Variants in C4orf50 observed in about 807,000 individuals in gnomAD.
The protein encoded by C4orf50 is chromosome 4 open reading frame 50.
Under a neutral mutation model 77.2 loss-of-function variants are expected in C4orf50, and 80 were observed. The ratio of observed to expected loss-of-function variants is 1.04; its 90% confidence interval spans 0.87 to 1.25. The LOEUF (loss-of-function observed/expected upper bound fraction) is 1.25, where lower values mean the gene tolerates loss of function less well. Ranked by LOEUF, C4orf50 falls within the 50% of genes most tolerant of loss-of-function variation. The probability of loss-of-function intolerance (pLI) is 0.00; values close to 1 mark genes in which losing one functional copy is unlikely to be tolerated. For synonymous variants in C4orf50, 532 were observed against 465.3 expected, an observed-to-expected ratio of 1.14 and a Z score of -1.84; for missense variants, 1,257 against 1,152.9, an observed-to-expected ratio of 1.09 and a Z score of -1.31.
intron 7 of C4orf50, among the ~76,000 whole-genome samples, chr4:5,944,772 C>T (rs779253230): frequency 3.3e-5 from 5 of 152,174 alleles, no homozygotes; most frequent in South Asian, 2.1e-4. Context: ...CAGGGCTCAG[C>T]GGCACGGTGG....
intron 25 of C4orf50, among the ~76,000 whole-genome samples, chr4:5,999,624 C>T (rs1351132594): frequency 6.6e-6 from 1 of 152,106 alleles, no homozygotes; most frequent in Non-Finnish European, 1.5e-5. Context: ...ACTCACTCAT[C>T]AAGCATTTCA....
chr4:5,936,210 A>G (rs910088892), intron 7 of C4orf50, among the ~76,000 whole-genome samples: 3 of 91,080 alleles, frequency 3.3e-5, no homozygotes, highest in African/African-American at 6.6e-5. Context: ...TGCTGCAGGA[A>G]AAAAAAAAAA....
At chr4:5,928,737 AG>A (rs989840341) in intron 7 of C4orf50, among the ~76,000 whole-genome samples, 3 of 152,230 alleles carry the variant, frequency 2.0e-5, no homozygotes, top group African/African-American at 7.2e-5. Context: ...AATTCCTAAC[AG>A]GGGAACCTCC....
intron 29 of C4orf50, among the ~76,000 whole-genome samples, chr4:5,978,437 A>G (rs141774821): frequency 2.5e-4 from 38 of 152,352 alleles, no homozygotes; most frequent in Admixed American, 2.0e-3. Flanking sequence ...TTTAGCTGGA[A>G]GAGAGATTCA....
At chr4:5,933,822 G>T (rs900548788) in intron 7 of C4orf50, among the ~76,000 whole-genome samples, 1 of 152,138 alleles carries the variant, frequency 6.6e-6, no homozygotes, top group African/African-American at 2.4e-5. Flanking sequence ...AGTGAGCCAG[G>T]GATAGTGAAG....
chr4:5,947,368 A>G (rs1170484012), intron 7 of C4orf50, among the ~76,000 whole-genome samples: 5 of 152,192 alleles, frequency 3.3e-5, no homozygotes, highest in African/African-American at 1.2e-4. Context: ...TGGCCCTGGA[A>G]GAGGCAAATG....
intron 7 of C4orf50, among the ~76,000 whole-genome samples, chr4:5,940,085 C>T (rs575576605): frequency 2.5e-4 from 38 of 152,318 alleles, no homozygotes; most frequent in African/African-American, 8.7e-4. Flanking sequence ...ATGACTCCTC[C>T]CATAGCTAAT....
intron 29 of C4orf50, among the ~76,000 whole-genome samples, chr4:5,977,456 T>A (rs17696501): frequency 0.19 from 28,184 of 152,220 alleles, 2,692 homozygotes; most frequent in African/African-American, 0.22. Context: ...ATGCAAGATT[T>A]TAAAAGAATG....
chr4:5,988,823 C>G, exon 28 of C4orf50: 1 of 1,536,096 alleles, frequency 6.5e-7, no homozygotes. Context: ...ATTCCTAGCA[C>G]GATATCCTTT....
chr4:5,939,128 A>G (rs559799836), intron 7 of C4orf50, among the ~76,000 whole-genome samples: 13 of 152,212 alleles, frequency 8.5e-5, no homozygotes, highest in African/African-American at 3.1e-4. Context: ...ATGTAATCCC[A>G]GCTACTCCAG....
In C4orf50 at chr4:5,960,999, G is replaced by C. The variant is rs539076813; in HGVS notation, c.4276-1373C>G. Among the ~76,000 whole-genome samples the C allele has an allele frequency of 2.6e-5, 4 of 152,260 alleles. No homozygotes were observed. The East Asian group carries it at 7.7e-4, about 29-fold the overall frequency. ...CCTGTTTATACTAAAGCCGCTACCT[G>C]TCCAATTCTGTCCCCTCCTGGAAGT... On this transcript the variant is annotated intron_variant, in intron 33 of 33. Coordinates refer to ENST00000531445, the Ensembl canonical transcript of C4orf50.
At chr4:5,960,175 C>A (rs1431402710) in intron 33 of C4orf50, among the ~76,000 whole-genome samples, 1 of 152,208 alleles carries the variant, frequency 6.6e-6, no homozygotes, top group African/African-American at 2.4e-5. Flanking sequence ...TGTATTAGCT[C>A]TGAAGTGGCT....
rs758040065 is a variant in C4orf50 at position 6,017,021 on chromosome 4, G to A, written c.287+1124C>T. Among the ~76,000 whole-genome samples, 4 of 152,148 alleles carry A rather than the reference G, an allele frequency of 2.6e-5. No individual in the cohort carries two copies. Among genetic ancestry groups the A allele is most frequent in the African/African-American group, 9.7e-5 (4 of 41,428 alleles). ...TGATCTATATACAAGGCCCAACCTC[G>A]TTCTGCCAGTCTGGGTGTCAAGACA... is the stretch of plus-strand genomic sequence containing the variant. On this transcript the variant is annotated intron_variant, in intron 23 of 33. Transcript: ENST00000531445. This position sits in a 1 kb window ranked among gnomAD's most constrained non-coding sequence, Gnocchi z 4.7.
At position 5,963,489 on chromosome 4, in the gene C4orf50, T is replaced by G. The variant is rs147166908; in HGVS notation, c.4275+1535A>C. Among the ~76,000 whole-genome samples, 414 of 152,328 alleles carry G rather than the reference T, an allele frequency of 2.7e-3. 1 individual carries two copies. The highest frequency in any genetic ancestry group is 9.5e-3 in the African/African-American group (397 of 41,572). ...TTTTTTTTAATACCTCCTCTATTTT[T>G]GATTCCAGGCACTATAATAAATACT... is the stretch of plus-strand genomic sequence containing the variant. On this transcript the variant is annotated intron_variant, in intron 33 of 33. Coordinates refer to ENST00000531445, the Ensembl canonical transcript of C4orf50.
intron 33 of C4orf50, 96 bp from the exon 12 acceptor site, chr4:5,959,722 T>C (rs1347886441): frequency 1.4e-6 from 2 of 1,438,264 alleles, no homozygotes; most frequent in African/African-American, 2.9e-5. Context: ...ATGACAGTGA[T>C]AGCTAACGGT....
intron 7 of C4orf50, among the ~76,000 whole-genome samples, chr4:5,917,332 A>G (rs568165058): frequency 1.3e-5 from 2 of 152,030 alleles, no homozygotes; most frequent in East Asian, 3.9e-4. Flanking sequence ...AAAAATATAC[A>G]TGATCCTTCT....
At chr4:5,976,981 C>T (rs1367550839) in intron 29 of C4orf50, among the ~76,000 whole-genome samples, 2 of 152,232 alleles carry the variant, frequency 1.3e-5, no homozygotes, top group African/African-American at 4.8e-5. Flanking sequence ...TGGCAGCTTC[C>T]ACTTTGGGTC....
At chr4:5,985,896 G>C (rs1412099284) in intron 28 of C4orf50, among the ~76,000 whole-genome samples, 1 of 152,188 alleles carries the variant, frequency 6.6e-6, no homozygotes, top group African/African-American at 2.4e-5. Flanking sequence ...TTGAACCCAG[G>C]AGGCAAAGGT....
intron 7 of C4orf50, among the ~76,000 whole-genome samples, chr4:5,939,428 A>G (rs16837872): frequency 0.28 from 42,594 of 151,960 alleles, 7,614 homozygotes; most frequent in African/African-American, 0.51. Flanking sequence ...GTCCTTCTCT[A>G]TTTGAAACTC....
Sources: allele counts gnomAD v4.1 joint callset (sites outside exome capture counted in the v4.1 genomes callset), GRCh38; gene constraint gnomAD v4.1.1; non-coding constraint Gnocchi (gnomAD v3.1); transcripts MANE v1.5; gene names NCBI Gene and HGNC (gene_info 2026-07-23, HGNC 2026-07-21).